The following ZNF208 variants were observed in gnomAD, a reference collection of about 807,000 sequenced individuals.
ZNF208 encodes zinc finger protein 95.
Under a neutral mutation model 12.1 loss-of-function variants are expected in ZNF208, and 10 were observed. The ratio of observed to expected loss-of-function variants is 0.83; its 90% CI spans 0.51 to 1.40. The LOEUF (loss-of-function observed/expected upper bound fraction) is 1.40. Among genes scored for constraint, ZNF208 ranks in the 40% most tolerant of loss-of-function variants. The pLI is 0.00. For synonymous variants in ZNF208, 497 were observed against 488.4 expected, an observed-to-expected ratio of 1.02 and a Z score of -0.23; for missense variants, 1,652 against 1,485.0, an observed-to-expected ratio of 1.11 and a Z score of -1.85.
At chr19:21,954,297 G>T (rs1374691761) in intron 4 of ZNF208, among the ~76,000 whole-genome samples, 1 of 152,182 alleles carries the variant, frequency 6.6e-6, no homozygotes, top group African/African-American at 2.4e-5. Flanking sequence ...GTGCTGAGAA[G>T]AATCTATATT....
At chr19:21,961,889 C>A (rs1387916221), downstream of ZNF208, among the ~76,000 whole-genome samples, 2 of 152,044 alleles carry the variant, frequency 1.3e-5, no homozygotes, top group South Asian at 2.1e-4. Flanking sequence ...TTTCAAGGTG[C>A]ACTGATTTCA....
At chr19:22,004,287 C>T (rs780926873) in intron 1 of ZNF208, among the ~76,000 whole-genome samples, 10 of 152,114 alleles carry the variant, frequency 6.6e-5, no homozygotes, top group Non-Finnish European at 1.0e-4. Context: ...GAGGCCAAGG[C>T]GGCAGATCAC....
At chr19:22,002,047 C>A (rs890332439) in intron 1 of ZNF208, among the ~76,000 whole-genome samples, 2 of 151,874 alleles carry the variant, frequency 1.3e-5, no homozygotes, top group Non-Finnish European at 2.9e-5. Flanking sequence ...GCTCAACATA[C>A]AGAAATCAAT....
At chr19:21,961,055 C>T (rs1391220631) in intron 4 of ZNF208, among the ~76,000 whole-genome samples, 1 of 152,226 alleles carries the variant, frequency 6.6e-6, no homozygotes, top group Non-Finnish European at 1.5e-5. Context: ...CTGTTCACCA[C>T]TCCTTTTGTA....
downstream of ZNF208, among the ~76,000 whole-genome samples, chr19:21,964,068 T>C (rs1451403580): frequency 6.6e-6 from 1 of 151,930 alleles, no homozygotes; most frequent in East Asian, 1.9e-4. Context: ...CCATATTTTA[T>C]ACATATACTA....
rs977221766 is a variant in ZNF208 at position 21,969,000 on chromosome 19, T to C, written c.*2191A>G. ...GAGATAGAGACCGTCCTGGCTAATA[T>C]GGTGAAACCCCATCTGTACTAAAAA... On this transcript the variant is annotated 3_prime_UTR_variant, in exon 4 of 4. Transcript: ENST00000397126. 5.9e-5 allele frequency among the ~76,000 whole-genome samples: 9 copies of C among 152,240 alleles called. No individual in the cohort carries two copies. Among genetic ancestry groups the C allele is most frequent in the African/African-American group, 1.9e-4 (8 of 41,568 alleles).
chr19:21,942,325 T>G (rs994126479), intron 4 of ZNF208, among the ~76,000 whole-genome samples: 2 of 152,182 alleles, frequency 1.3e-5, no homozygotes. Context: ...ATAGATATGT[T>G]TATCAGTAAT....
chr19:21,991,958 C>T (rs1970746208), intron 1 of ZNF208, among the ~76,000 whole-genome samples: 3 of 151,396 alleles, frequency 2.0e-5, no homozygotes, highest in African/African-American at 4.9e-5. Context: ...ATAAGTATGC[C>T]AAAGTTTTTG....
intron 4 of ZNF208, chr19:21,941,565 A>G (rs1389147086): frequency 5.9e-5 from 23 of 388,502 alleles, no homozygotes; most frequent in Non-Finnish European, 1.8e-5. Context: ...CTAAAGTGTC[A>G]TGCTTTAGCT....
chr19:22,010,654 T>G, intron 1 of ZNF208, 138 bp downstream of exon 1: 1 of 1,333,198 alleles, frequency 7.5e-7, no homozygotes, highest in Non-Finnish European at 1.1e-6. Context: ...TGAACCGGAC[T>G]GAGGTCGAGC....
intron 4 of ZNF208, among the ~76,000 whole-genome samples, chr19:21,942,679 T>C (rs1388662730): frequency 2.0e-5 from 3 of 152,144 alleles, no homozygotes; most frequent in African/African-American, 2.4e-5. Context: ...GACAGAGTCT[T>C]GCACTGTCAT....
In ZNF208 at chr19:22,010,895, C is replaced by G. The variant is rs1336830399; in HGVS notation, c.-101G>C. On this transcript the variant is annotated 5_prime_UTR_variant, in exon 1 of 4. Coordinates refer to ENST00000397126, the MANE Select transcript of ZNF208 (RefSeq NM_007153.3). ...TGGGACTCTAGGAGCAGAGGACACA[C>G]AGCAGTAAGGACGAGACCTTGACCT... The G allele has an allele frequency of 1.3e-6, 2 of 1,559,244 alleles. No individual in the cohort carries two copies. Among genetic ancestry groups the G allele is most frequent in the Non-Finnish European group, 1.8e-6 (2 of 1,131,900 alleles).
chr19:21,944,982 G>A (rs144201247), intron 4 of ZNF208, among the ~76,000 whole-genome samples: 1 of 152,274 alleles, frequency 6.6e-6, no homozygotes, highest in East Asian at 1.9e-4. Flanking sequence ...AAACTCCCCT[G>A]TAAACAGCAT....
intron 2 of ZNF208, among the ~76,000 whole-genome samples, 162 bp from the exon 3 acceptor site, chr19:21,987,473 A>G (rs867550829): frequency 1.2e-4 from 19 of 152,212 alleles, no homozygotes; most frequent in Non-Finnish European, 2.6e-4. Flanking sequence ...GTGCCTGTAT[A>G]AGCTGGCCAT....
rs200954131 is a variant in ZNF208 at position 21,960,390 on chromosome 19, ATAAG to A, written c.305+14335_305+14338del. On this transcript the variant is annotated intron_variant, in intron 4 of 4. Transcript: ENST00000599916. Reference sequence around the variant, plus strand: ...TTTCTAGAAATAAAAAAAGAGATACATAAGTAAGAAAAGGAAAAAAAGTGGATTA... The same window carrying A: ...TTTCTAGAAATAAAAAAAGAGATACATAAGAAAAGGAAAAAAAGTGGATTA... Among the ~76,000 whole-genome samples the A allele has an allele frequency of 6.3e-3, 954 of 152,312 alleles. 3 individuals carry two copies. Among genetic ancestry groups the A allele is most frequent in the African/African-American group, 0.014 (595 of 41,576 alleles).
intron 3 of ZNF208, 73 bp from the exon 4 acceptor site, chr19:21,974,880 A>G: frequency 3.5e-6 from 5 of 1,428,568 alleles, no homozygotes; most frequent in Non-Finnish European, 4.6e-6. Context: ...AATCTAAACT[A>G]TAAAATTATT....
At chr19:21,955,210 T>G (rs1282709529) in intron 4 of ZNF208, among the ~76,000 whole-genome samples, 2 of 152,258 alleles carry the variant, frequency 1.3e-5, no homozygotes, top group Non-Finnish European at 2.9e-5. Flanking sequence ...GTTAGCCTGA[T>G]GGGCTTCCAT....
At chr19:22,003,047 C>T (rs1379473177) in intron 1 of ZNF208, among the ~76,000 whole-genome samples, 3 of 152,092 alleles carry the variant, frequency 2.0e-5, no homozygotes, top group Non-Finnish European at 2.9e-5. Flanking sequence ...TAATGCCACA[C>T]ACCTAAAACC....
intron 1 of ZNF208, among the ~76,000 whole-genome samples, chr19:21,996,861 C>G (rs1474308332): frequency 6.6e-6 from 1 of 152,160 alleles, no homozygotes; most frequent in Non-Finnish European, 1.5e-5. Flanking sequence ...CTGTTCTAGC[C>G]TCTCTAAAAG....
Sources: gnomAD v4.1 joint callset for allele counts (sites outside exome capture counted in the v4.1 genomes callset) on GRCh38, gnomAD v4.1.1 for gene constraint, MANE v1.5 for transcripts, NCBI Gene and HGNC (gene_info 2026-07-23, HGNC 2026-07-21) for gene names.